TDRD12: variants seen among roughly 807,000 people sequenced by gnomAD.
TDRD12 encodes tudor domain containing 12, also known as putative ATP-dependent RNA helicase TDRD12.
A neutral mutation model predicts 133.5 loss-of-function variants in TDRD12; 158 were observed. The ratio of observed to expected loss-of-function variants is 1.18; its 90% CI spans 1.04 to 1.35. TDRD12 has a LOEUF of 1.35. Among genes scored for constraint, TDRD12 ranks in the 40% most tolerant of loss-of-function variants. TDRD12 has a pLI of 0.00. For synonymous variants in TDRD12, 460 were observed against 477.9 expected (o/e 0.96, Z 0.49); for missense variants, 1,443 against 1,321.3 (o/e 1.09, Z -1.43).
chr19:32,768,088 C>T lies in TDRD12; in HGVS notation c.866-4665C>T, dbSNP rs543906029. Among the ~76,000 whole-genome samples, 15 of 152,266 alleles carry T rather than the reference C, an allele frequency of 9.9e-5. No homozygotes were observed. The East Asian group carries it at 2.5e-3, about 25-fold the overall frequency. On this transcript the variant is annotated intron_variant, in intron 8 of 27. Transcript: ENST00000444215. ...TACATATTGTATACAGCTGCTTTTG[C>T]ACTGTCAGAGCTGAGTTGAGTGGCC... is the stretch of plus-strand genomic sequence containing the variant.
At chr19:32,748,558 C>T in intron 5 of TDRD12, 27 bp downstream of exon 5, 1 of 1,544,434 alleles carries the variant, frequency 6.5e-7, no homozygotes, top group Non-Finnish European at 8.8e-7. Flanking sequence ...TCACTGCAGC[C>T]TGCCTGGAAG....
intron 8 of TDRD12, among the ~76,000 whole-genome samples, chr19:32,764,145 C>T (rs1970230838): frequency 7.4e-6 from 1 of 134,284 alleles, no homozygotes; most frequent in African/African-American, 2.8e-5. Flanking sequence ...GAGTCTCACC[C>T]TGTTGCCCAG....
chr19:32,727,023 C>T (rs1019606086), intron 1 of TDRD12, among the ~76,000 whole-genome samples: 1 of 152,218 alleles, frequency 6.6e-6, no homozygotes, highest in Non-Finnish European at 1.5e-5. Flanking sequence ...CCATTTTCCA[C>T]AGCAGCTATG....
intron 21 of TDRD12, among the ~76,000 whole-genome samples, chr19:32,803,706 T>C (rs1361453352): frequency 6.6e-6 from 1 of 152,236 alleles, no homozygotes; most frequent in Non-Finnish European, 1.5e-5. Flanking sequence ...TGGTCAGTAC[T>C]GTCTGACAGA....
chr19:32,817,007 G>A (rs1301705933), intron 26 of TDRD12, among the ~76,000 whole-genome samples: 1 of 152,110 alleles, frequency 6.6e-6, no homozygotes, highest in African/African-American at 2.4e-5. Context: ...AGGAAAACAC[G>A]CACCAAGTGT....
rs11878740 is a variant in TDRD12, at chr19:32,798,514, G to A, written c.1758+79G>A. ...TAACTGATGGCAGGAAGGAGGAAAA[G>A]TGTCTGGTTGGGGAATACATTGGTT... On this transcript the variant is annotated intron_variant, in intron 16 of 27. Transcript: ENST00000444215. 2,373 of 1,260,272 alleles carry A rather than the reference G, an allele frequency of 1.9e-3. 38 individuals are homozygous for A. In the African/African-American group the frequency reaches 0.031, roughly 17 times the overall value. The allele number at this position is 1,260,272 out of a possible 1,614,324, so 78.1% of individuals were successfully genotyped here.
At chr19:32,825,181 G>GGCATGTGACACCGAGGAT (rs1461779339), downstream of TDRD12, among the ~76,000 whole-genome samples, 3 of 152,196 alleles carry the variant, frequency 2.0e-5, no homozygotes, top group Admixed American at 2.0e-4. The surrounding 1 kb of genome is among the most constrained non-coding windows in gnomAD (Gnocchi z 4.1). Context: ...GATGGCAGGC[G>GGCATGTGACACCGAGGAT]GCATGTGACA....
intron 8 of TDRD12, among the ~76,000 whole-genome samples, chr19:32,766,432 G>A (rs1044031146): frequency 7.9e-5 from 12 of 152,154 alleles, no homozygotes; most frequent in Non-Finnish European, 1.6e-4. Context: ...GTGCTATCAC[G>A]TAGTAGGTCT....
intron 1 of TDRD12, among the ~76,000 whole-genome samples, chr19:32,730,015 C>T (rs1968997540): frequency 6.6e-6 from 1 of 151,904 alleles, no homozygotes; most frequent in South Asian, 2.1e-4. Flanking sequence ...TGGTCTCGAT[C>T]TCCTGACCTC....
chr19:32,743,428 T>C (rs2145486047), intron 4 of TDRD12, among the ~76,000 whole-genome samples: 1 of 151,854 alleles, frequency 6.6e-6, no homozygotes, highest in South Asian at 2.1e-4. Context: ...TGCTTTCTTT[T>C]TTTGAGATAG....
intron 11 of TDRD12, among the ~76,000 whole-genome samples, chr19:32,785,073 T>G (rs916331152): frequency 6.6e-6 from 1 of 152,234 alleles, no homozygotes; most frequent in South Asian, 2.1e-4. Flanking sequence ...TTAATTGTGA[T>G]GTTAGGGTGT....
At chr19:32,826,867 A>C (rs1967610472) in intron 9 of TDRD12, 118 bp downstream of exon 32, 1 of 637,146 alleles carries the variant, frequency 1.6e-6, no homozygotes, top group African/African-American at 1.9e-5. Flanking sequence ...TCAAGCCCTG[A>C]GAAATCAGTT....
At chr19:32,826,619 CG>C (rs2145776835) in intron 9 of TDRD12, 21 bp downstream of exon 31, 1 of 1,235,886 alleles carries the variant, frequency 8.1e-7, no homozygotes, top group East Asian at 3.1e-5. Context: ...ATGCACTCAG[CG>C]GGTGGTCTTT....
At chr19:32,760,901 TTGAGAA>T (rs1355591414) in intron 8 of TDRD12, among the ~76,000 whole-genome samples, 3 of 152,196 alleles carry the variant, frequency 2.0e-5, no homozygotes, top group African/African-American at 7.2e-5. Context: ...CCCAAACCAT[TTGAGAA>T]TAAGTTGCTA....
chr19:32,782,311 G>T (rs1970793465), intron 11 of TDRD12, among the ~76,000 whole-genome samples: 1 of 152,086 alleles, frequency 6.6e-6, no homozygotes, highest in South Asian at 2.1e-4. Context: ...CTTTTTTATG[G>T]CTGCATAGTA....
chr19:32,826,143 C>G (rs1308607234), downstream of TDRD12: 1 of 1,535,836 alleles, frequency 6.5e-7, no homozygotes, highest in East Asian at 2.4e-5. Context: ...AGCAGAACTG[C>G]ACAGCCGCCT....
At chr19:32,813,730 C>T in exon 25 of TDRD12, 21 of 1,535,266 alleles carry the variant, frequency 1.4e-5, no homozygotes, top group Non-Finnish European at 1.8e-5. Flanking sequence ...TTGCATGATG[C>T]AAAAGTGATC....
chr19:32,731,764 T>G, exon 2 of TDRD12: 1 of 1,550,558 alleles, frequency 6.4e-7, no homozygotes, highest in Non-Finnish European at 8.7e-7. Flanking sequence ...TATAAAAGGG[T>G]GTAGTCCCTT....
chr19:32,752,221 C>T (rs1215020176), intron 6 of TDRD12, among the ~76,000 whole-genome samples: 2 of 151,846 alleles, frequency 1.3e-5, no homozygotes, highest in South Asian at 2.1e-4. Flanking sequence ...TTCTTGTTGC[C>T]CAGGCTGGAT....
Sources: gnomAD v4.1 joint callset for allele counts (sites outside exome capture counted in the v4.1 genomes callset) on GRCh38, gnomAD v4.1.1 for gene constraint, Gnocchi (gnomAD v3.1) non-coding constraint, MANE v1.5 for transcripts, NCBI Gene and HGNC (gene_info 2026-07-23, HGNC 2026-07-21) for gene names.